The following TRIM34 variants were observed in gnomAD, a reference collection of about 807,000 sequenced individuals.
TRIM34 encodes E3 ubiquitin-protein ligase TRIM34.
TRIM34 carries 41 observed loss-of-function variants against 38.1 expected under a neutral mutation model. That is an observed-to-expected ratio of 1.08 (90% CI 0.84 to 1.40). TRIM34 has a LOEUF of 1.40. TRIM34 is among the 40% of genes most tolerant of loss of function. The pLI, the probability that TRIM34 is intolerant of heterozygous loss-of-function variation, is 0.00. For missense variants in TRIM34, 556 were observed against 571.4 expected (o/e 0.97, Z 0.27); for synonymous variants, 200 against 202.5 (o/e 0.99, Z 0.10).
rs1369825624 is a variant in TRIM34 at position 5,629,869 on chromosome 11, G to A, written c.-77-2386G>A. 2.6e-5 allele frequency among the ~76,000 whole-genome samples: 4 copies of A among 152,174 alleles called. No homozygotes were observed. The East Asian group carries it at 7.7e-4, about 29-fold the overall frequency. Reference sequence around the variant, plus strand: ...ACTACAGGCGCCCGCCGCCACCCCTGGCTAATTTTTGTATTTTTAGTAGAG... The same window carrying A: ...ACTACAGGCGCCCGCCGCCACCCCTAGCTAATTTTTGTATTTTTAGTAGAG... On this transcript the variant is annotated intron_variant, in intron 1 of 7. Transcript: ENST00000429814.
chr11:5,642,415 C>G lies in TRIM34; in HGVS notation c.783C>G (p.Ile261Met). 6.2e-7 allele frequency: 1 copy of G among 1,612,906 alleles called. No individual in the cohort carries two copies. Among genetic ancestry groups the G allele is most frequent in the East Asian group, 2.2e-5 (1 of 44,872 alleles). ...DMSGIMKWSE[I>M]WRLKKPKMVS... ...TTTTTTTCATCCCTAGGAGTGAGAT[C>G]TGGAGGCTGAAAAAGCCAAAAATGG... The change falls in exon 6 of 8, where the codon ATC (isoleucine) becomes ATG (methionine). Residue 261 changes from isoleucine (I) to methionine (M), a missense_variant. Coordinates refer to ENST00000429814, the MANE Select transcript of TRIM34 (RefSeq NM_021616.6).
chr11:5,621,195 C>T (rs1193090744), upstream of TRIM34, among the ~76,000 whole-genome samples: 2 of 152,218 alleles, frequency 1.3e-5, no homozygotes, highest in Non-Finnish European at 2.9e-5. Context: ...CTCCAGGCTG[C>T]TGCACTCTCT....
intron 2 of TRIM34, among the ~76,000 whole-genome samples, 181 bp downstream of exon 2, chr11:5,632,935 T>C (rs1233194567): frequency 6.0e-5 from 9 of 149,550 alleles, no homozygotes; most frequent in Middle Eastern, 3.4e-3. Flanking sequence ...CAAGTAATTT[T>C]CCTGCCTCAG....
At chr11:5,621,712 CAA>C (rs765142369), upstream of TRIM34, among the ~76,000 whole-genome samples, 2 of 152,184 alleles carry the variant, frequency 1.3e-5, no homozygotes, top group Non-Finnish European at 2.9e-5. Flanking sequence ...CCATTCTATT[CAA>C]AGTCATCCCT....
At chr11:5,629,382 T>C (rs1849382296) in intron 1 of TRIM34, among the ~76,000 whole-genome samples, 1 of 152,170 alleles carries the variant, frequency 6.6e-6, no homozygotes, top group Non-Finnish European at 1.5e-5. Flanking sequence ...TTCAAATAAG[T>C]TCACATTCAC....
chr11:5,632,106 C>T lies in TRIM34; in HGVS notation c.-77-149C>T, dbSNP rs185446622. Reference sequence around the variant, plus strand: ...CAAAAGCCTTGAGGCATTAACAGCTCGCCCAGACCACTTTCAGCCATTTTT... The same window carrying T: ...CAAAAGCCTTGAGGCATTAACAGCTTGCCCAGACCACTTTCAGCCATTTTT... On this transcript the variant is annotated intron_variant, in intron 1 of 7. Transcript: ENST00000429814. 40 of 1,089,470 alleles carry T rather than the reference C, an allele frequency of 3.7e-5. No individual in the cohort carries two copies. The Admixed American group carries it at 5.1e-4, about 14-fold the overall frequency. 67.5% of individuals were successfully genotyped at this position (1,089,470 alleles called of 1,614,324 possible).
Position 5,643,903 on chromosome 11 carries a change from A to G in TRIM34, c.*194A>G, listed in dbSNP as rs971433108. On this transcript the variant is annotated 3_prime_UTR_variant, in exon 8 of 8. Transcript: ENST00000429814. ...TTCATTTACTCTTTTTCATATTTTC[A>G]GAGAAAGTTACCTAATCCCTCCTAA... 1.6e-5 allele frequency: 12 copies of G among 738,676 alleles called. No homozygotes were observed. In the African/African-American group the frequency reaches 2.0e-4, roughly 12 times the overall value. 45.8% of individuals were successfully genotyped at this position (738,676 alleles called of 1,614,324 possible).
At chr11:5,631,971 A>G (rs1177268138) in intron 1 of TRIM34, among the ~76,000 whole-genome samples, 1 of 152,228 alleles carries the variant, frequency 6.6e-6, no homozygotes, top group Non-Finnish European at 1.5e-5. Flanking sequence ...AGTTTGTCTT[A>G]GCAGCCCTTC....
Position 5,643,594 on chromosome 11 carries a change from G to A in TRIM34, c.1352G>A (p.Ser451Asn). ...ATTGTCTCATTTTTCAATGTCACAA[G>A]CCATGGCTCCCTCATTTACAAGTTC... ...AGIVSFFNVT[S>N]HGSLIYKFSK... The change falls in exon 8 of 8, where the codon AGC becomes AAC. Residue 451 changes from serine (S) to asparagine (N), a missense_variant. Ser to Asn is a conservative substitution (Grantham distance 46). Transcript: ENST00000429814. The A allele has an allele frequency of 6.2e-7, 1 of 1,614,084 alleles. No homozygotes were observed. Among genetic ancestry groups the A allele is most frequent in the Non-Finnish European group, 8.5e-7 (1 of 1,180,000 alleles).
chr11:5,637,122 A>C (rs7130074), intron 4 of TRIM34, among the ~76,000 whole-genome samples: 3 of 152,072 alleles, frequency 2.0e-5, no homozygotes, highest in Non-Finnish European at 2.9e-5. Flanking sequence ...GCAGTGAGCC[A>C]AGATGGCGCC....
chr11:5,621,769 G>T (rs1333430057), upstream of TRIM34, among the ~76,000 whole-genome samples: 1 of 152,166 alleles, frequency 6.6e-6, no homozygotes, highest in East Asian at 1.9e-4. Flanking sequence ...CCTTTGAAAA[G>T]GCTAATCAGA....
intron 4 of TRIM34, among the ~76,000 whole-genome samples, chr11:5,636,907 G>A (rs1213147767): frequency 6.6e-6 from 1 of 152,204 alleles, no homozygotes; most frequent in Non-Finnish European, 1.5e-5. Flanking sequence ...AGCACTTTGG[G>A]AGGCCGAGGT....
At chr11:5,623,947 GACT>G (rs1174475618), upstream of TRIM34, among the ~76,000 whole-genome samples, 1 of 152,196 alleles carries the variant, frequency 6.6e-6, no homozygotes, top group Admixed American at 6.5e-5. Context: ...ACAGGAGGTA[GACT>G]AGGATTGTTT....
At chr11:5,641,056 A>G in intron 4 of TRIM34, 111 bp from the exon 5 acceptor site, 1 of 1,409,370 alleles carries the variant, frequency 7.1e-7, no homozygotes, top group East Asian at 2.6e-5. Flanking sequence ...TGACATTTTC[A>G]TATAACTCAC....
chr11:5,632,889 T>G (rs2043428680), intron 2 of TRIM34, 135 bp downstream of exon 2: 7 of 1,217,576 alleles, frequency 5.7e-6, no homozygotes, highest in Middle Eastern at 3.1e-4. Flanking sequence ...TGCAGTGGCG[T>G]GCTCTCGGCT....
chr11:5,627,259 A>G (rs563361585), intron 1 of TRIM34, among the ~76,000 whole-genome samples: 2 of 152,162 alleles, frequency 1.3e-5, no homozygotes, highest in South Asian at 4.2e-4. Flanking sequence ...AGGCACCTGT[A>G]ATCCCAGCTA....
At chr11:5,622,071 T>C (rs1160091860), upstream of TRIM34, among the ~76,000 whole-genome samples, 1 of 152,196 alleles carries the variant, frequency 6.6e-6, no homozygotes, top group East Asian at 1.9e-4. Flanking sequence ...ACTAGACAGT[T>C]GTTAAGAAAA....
chr11:5,638,721 T>C (rs1849852223), intron 4 of TRIM34, among the ~76,000 whole-genome samples: 1 of 152,230 alleles, frequency 6.6e-6, no homozygotes, highest in African/African-American at 2.4e-5. Flanking sequence ...TTAGATATTC[T>C]TAGTTACTGG....
chr11:5,634,454 T>A (rs1403912853), intron 3 of TRIM34, among the ~76,000 whole-genome samples, 177 bp from the exon 4 acceptor site: 1 of 149,946 alleles, frequency 6.7e-6, no homozygotes, highest in Non-Finnish European at 1.5e-5. Context: ...AAAATCGATA[T>A]ATAGATAATA....
Sources: allele counts gnomAD v4.1 joint callset (sites outside exome capture counted in the v4.1 genomes callset), GRCh38; gene constraint gnomAD v4.1.1; transcripts MANE v1.5; gene names NCBI Gene and HGNC (gene_info 2026-07-23, HGNC 2026-07-21).